RASGRF2: variants seen among roughly 807,000 people sequenced by gnomAD.
The protein encoded by RASGRF2 is Ras protein specific guanine nucleotide releasing factor 2.
Under a neutral mutation model 151.0 loss-of-function variants are expected in RASGRF2, and 76 were observed. The ratio of observed to expected loss-of-function variants is 0.50; its 90% CI spans 0.42 to 0.61. The LOEUF (loss-of-function observed/expected upper bound fraction) is 0.61. RASGRF2 is among the 20% of genes least tolerant of loss of function. RASGRF2 has a pLI of 0.00. For synonymous variants in RASGRF2, 504 were observed against 566.5 expected, an observed-to-expected ratio of 0.89 and a Z score of 1.57; for missense variants, 1,148 against 1,564.6, an observed-to-expected ratio of 0.73 and a Z score of 4.49.
intron 1 of RASGRF2, among the ~76,000 whole-genome samples, chr5:81,025,151 G>T (rs1368333668): frequency 6.6e-6 from 1 of 152,220 alleles, no homozygotes; most frequent in Non-Finnish European, 1.5e-5. Context: ...TCTCTGTGCT[G>T]CAGCTTCTTG....
At chr5:80,973,134 T>C (rs1478349552) in intron 1 of RASGRF2, among the ~76,000 whole-genome samples, 1 of 152,166 alleles carries the variant, frequency 6.6e-6, no homozygotes, top group Non-Finnish European at 1.5e-5. Context: ...TGAAGTTGTT[T>C]TATGTAGAAA....
intron 1 of RASGRF2, among the ~76,000 whole-genome samples, chr5:80,988,251 A>G (rs961497246): frequency 2.6e-5 from 4 of 151,906 alleles, no homozygotes; most frequent in Admixed American, 1.3e-4. Flanking sequence ...AGGTTTCACC[A>G]TGTTGCCTAG....
At chr5:80,991,380 G>T (rs991950254) in intron 1 of RASGRF2, among the ~76,000 whole-genome samples, 1 of 152,096 alleles carries the variant, frequency 6.6e-6, no homozygotes, top group Admixed American at 6.5e-5. Context: ...AGCTGAGATG[G>T]TGCCACTGCA....
At chr5:80,979,441 G>A (rs1230118722) in intron 1 of RASGRF2, among the ~76,000 whole-genome samples, 1 of 152,208 alleles carries the variant, frequency 6.6e-6, no homozygotes, top group Admixed American at 6.5e-5. Flanking sequence ...AAGGCACAAA[G>A]TAGGAATGCC....
chr5:81,082,178 C>G (rs1470170073), intron 7 of RASGRF2, among the ~76,000 whole-genome samples: 2 of 152,162 alleles, frequency 1.3e-5, no homozygotes, highest in African/African-American at 4.8e-5. Context: ...TACCTGACAG[C>G]CCCCTGATGT....
At chr5:80,992,566 T>A (rs1230534717) in intron 1 of RASGRF2, among the ~76,000 whole-genome samples, 1 of 152,226 alleles carries the variant, frequency 6.6e-6, no homozygotes, top group Non-Finnish European at 1.5e-5. Context: ...AGAAAACAGT[T>A]GGTTCCAGGA....
chr5:81,055,721 G>A (rs985559681), intron 2 of RASGRF2, among the ~76,000 whole-genome samples: 1 of 152,126 alleles, frequency 6.6e-6, no homozygotes, highest in Non-Finnish European at 1.5e-5. Context: ...GCTCCTCTTT[G>A]TACCTCTGGT....
intron 12 of RASGRF2, among the ~76,000 whole-genome samples, chr5:81,107,005 G>A (rs563049837): frequency 2.6e-5 from 4 of 152,122 alleles, no homozygotes. Flanking sequence ...ACAGGGTTGT[G>A]TGTTTGGAAT....
intron 1 of RASGRF2, among the ~76,000 whole-genome samples, chr5:80,983,727 G>A (rs1748386689): frequency 6.6e-6 from 1 of 152,178 alleles, no homozygotes; most frequent in East Asian, 1.9e-4. Flanking sequence ...GATGTGCTTT[G>A]TGTATACTTA....
intron 2 of RASGRF2, among the ~76,000 whole-genome samples, chr5:81,053,132 T>C (rs1751069155): frequency 6.6e-6 from 1 of 152,216 alleles, no homozygotes; most frequent in Non-Finnish European, 1.5e-5. Flanking sequence ...TTCTTTTCTT[T>C]TTTTTAATTA....
intron 1 of RASGRF2, among the ~76,000 whole-genome samples, chr5:81,023,334 C>G (rs565622945): frequency 6.6e-6 from 1 of 152,256 alleles, no homozygotes; most frequent in Admixed American, 6.5e-5. Context: ...TTGTGATGAC[C>G]CAGTACTTGG....
At chr5:81,126,896 G>A (rs1753470525) in intron 16 of RASGRF2, among the ~76,000 whole-genome samples, 178 bp from the exon 17 acceptor site, 1 of 151,802 alleles carries the variant, frequency 6.6e-6, no homozygotes, top group Non-Finnish European at 1.5e-5. Flanking sequence ...TTTTCTCTTG[G>A]TTATAGACCC....
intron 7 of RASGRF2, 28 bp downstream of exon 7, chr5:81,080,817 G>A (rs533514403): frequency 4.4e-6 from 7 of 1,599,506 alleles, no homozygotes; most frequent in Non-Finnish European, 6.0e-6. Flanking sequence ...CATTTTGTAA[G>A]TCAGAGTTTC....
chr5:81,130,787 C>T (rs143320665), intron 17 of RASGRF2, among the ~76,000 whole-genome samples: 4 of 152,192 alleles, frequency 2.6e-5, no homozygotes, highest in Admixed American at 1.3e-4. Context: ...GACAAATAAA[C>T]ACCCCATGCT....
intron 10 of RASGRF2, 49 bp from the exon 11 acceptor site, chr5:81,094,247 A>G (rs771835497): frequency 4.8e-6 from 7 of 1,471,100 alleles, no homozygotes; most frequent in African/African-American, 2.8e-5. Context: ...GAGCTTCCCA[A>G]TCTACACAAG....
At chr5:81,108,884 G>GTT in intron 12 of RASGRF2, 112 bp from the exon 13 acceptor site, 2 of 1,378,008 alleles carry the variant, frequency 1.5e-6, no homozygotes, top group Non-Finnish European at 1.9e-6. Flanking sequence ...GTGTGTGTAA[G>GTT]AGACAGGGAG....
At chr5:81,073,034 C>G (rs1182594560) in intron 4 of RASGRF2, among the ~76,000 whole-genome samples, 165 bp from the exon 5 acceptor site, 1 of 152,270 alleles carries the variant, frequency 6.6e-6, no homozygotes, top group Non-Finnish European at 1.5e-5. Flanking sequence ...TGCACTTTCT[C>G]AGGCTTGCCT....
chr5:81,061,567 G>C (rs146141707), intron 2 of RASGRF2, among the ~76,000 whole-genome samples: 1 of 151,072 alleles, frequency 6.6e-6, no homozygotes, highest in African/African-American at 2.4e-5. Context: ...GAGTGTGGTG[G>C]TGCAATCATA....
chr5:80,978,804 AG>A (rs200209761), intron 1 of RASGRF2, among the ~76,000 whole-genome samples: 2 of 151,648 alleles, frequency 1.3e-5, no homozygotes, highest in Non-Finnish European at 2.9e-5. Context: ...AGAAAAAAAA[AG>A]GGGGGGAAAC....
Sources: allele counts gnomAD v4.1 joint callset (sites outside exome capture counted in the v4.1 genomes callset), GRCh38; gene constraint gnomAD v4.1.1; transcripts MANE v1.5; gene names NCBI Gene and HGNC (gene_info 2026-07-23, HGNC 2026-07-21).